The following GRK3 variants were observed in gnomAD, a reference collection of about 807,000 sequenced individuals.
The protein encoded by GRK3 is adrenergic, beta, receptor kinase 2.
In GRK3, 54 loss-of-function variants were observed where a neutral mutation model predicts 95.7. The observed-to-expected ratio is 0.56, with a 90% CI of 0.45 to 0.71. The LOEUF is 0.71. Ranked by LOEUF, GRK3 falls within the 30% of genes least tolerant of loss-of-function variation. The pLI is 0.00. For synonymous variants in GRK3, 281 were observed against 290.8 expected (o/e 0.97, Z 0.34); for missense variants, 649 against 851.2 (o/e 0.76, Z 2.96).
chr22:25,602,342 G>A (rs1262619684), intron 1 of GRK3, among the ~76,000 whole-genome samples: 2 of 152,298 alleles, frequency 1.3e-5, no homozygotes, highest in African/African-American at 4.8e-5. Context: ...CAAGGATGTG[G>A]AACAACTGGA....
At chr22:25,576,548 A>G (rs1931906195) in intron 1 of GRK3, among the ~76,000 whole-genome samples, 1 of 152,158 alleles carries the variant, frequency 6.6e-6, no homozygotes, top group Non-Finnish European at 1.5e-5. Flanking sequence ...TTCTTTATTT[A>G]GAGATTCTTG....
intron 1 of GRK3, among the ~76,000 whole-genome samples, chr22:25,579,146 G>A (rs554922353): frequency 6.6e-6 from 1 of 151,990 alleles, no homozygotes; most frequent in East Asian, 1.9e-4. Context: ...TGGGGTGGCA[G>A]GACAGGAATT....
chr22:25,688,003 A>G lies in GRK3; in HGVS notation c.957+336A>G, dbSNP rs140783201. ...TGTAATCCCAGCACTTTGGGAGGCC[A>G]AGGAGGGCGGATCACAAGGTCAGGA... is the stretch of plus-strand genomic sequence containing the variant. On this transcript the variant is annotated intron_variant, in intron 11 of 20. Coordinates refer to ENST00000324198, the MANE Select transcript of GRK3 (RefSeq NM_005160.4). Among the ~76,000 whole-genome samples, 396 of 152,216 alleles carry G rather than the reference A, an allele frequency of 2.6e-3. 3 individuals are homozygous for G. The highest frequency in any genetic ancestry group is 0.024 in the Middle Eastern group (7 of 294).
intron 1 of GRK3, 56 bp from the exon 2 acceptor site, chr22:25,604,321 A>G: frequency 7.8e-7 from 1 of 1,278,450 alleles, no homozygotes; most frequent in South Asian, 1.3e-5. Flanking sequence ...CATCCTGGGG[A>G]TGGTTACTCA....
intron 2 of GRK3, among the ~76,000 whole-genome samples, chr22:25,616,785 A>G (rs1005572751): frequency 1.3e-5 from 2 of 152,236 alleles, no homozygotes; most frequent in Non-Finnish European, 2.9e-5. Flanking sequence ...ACTTGTCCTC[A>G]GGTCTAAAGA....
chr22:25,598,417 A>G (rs2084386790), intron 1 of GRK3, among the ~76,000 whole-genome samples: 1 of 152,114 alleles, frequency 6.6e-6, no homozygotes, highest in Admixed American at 6.5e-5. Flanking sequence ...TCACGCCTGT[A>G]TCCCAGCACT....
At chr22:25,599,557 A>C (rs1384385627) in intron 1 of GRK3, among the ~76,000 whole-genome samples, 1 of 150,532 alleles carries the variant, frequency 6.6e-6, no homozygotes, top group East Asian at 1.9e-4. Flanking sequence ...ATGCCACTGC[A>C]CTCCAGCCTA....
intron 1 of GRK3, among the ~76,000 whole-genome samples, chr22:25,568,443 A>G (rs1931570352): frequency 1.3e-5 from 2 of 152,208 alleles, no homozygotes; most frequent in Non-Finnish European, 2.9e-5. Flanking sequence ...CAAATGTTGG[A>G]TCACCTATTG....
At chr22:25,698,151 A>C (rs1224181113) in intron 13 of GRK3, among the ~76,000 whole-genome samples, 1 of 144,230 alleles carries the variant, frequency 6.9e-6, no homozygotes, top group African/African-American at 2.6e-5. Context: ...GGAAGGAAGG[A>C]AGGAAGAAGG....
intron 2 of GRK3, among the ~76,000 whole-genome samples, chr22:25,625,645 ATCCGGAGGCCTAACCGTC>A (rs2084622151): frequency 6.6e-6 from 1 of 152,144 alleles, no homozygotes; most frequent in Non-Finnish European, 1.5e-5. Context: ...GCCCACAGTT[ATCCGGAGGCCTAACCGTC>A]TCCCTGTGAT....
intron 15 of GRK3, among the ~76,000 whole-genome samples, chr22:25,708,632 C>T (rs558572837): frequency 2.9e-4 from 44 of 151,808 alleles, no homozygotes; most frequent in Non-Finnish European, 5.0e-4. Flanking sequence ...GCTCCTCCCC[C>T]ATGCGGGCTT....
At chr22:25,640,036 A>G (rs777286671) in intron 2 of GRK3, among the ~76,000 whole-genome samples, 23 of 152,164 alleles carry the variant, frequency 1.5e-4, no homozygotes, top group Non-Finnish European at 3.1e-4. Flanking sequence ...TGCTAAATTT[A>G]CTTACATATT....
chr22:25,673,971 C>G (rs978785238), intron 7 of GRK3, among the ~76,000 whole-genome samples: 4 of 151,860 alleles, frequency 2.6e-5, no homozygotes, highest in Non-Finnish European at 5.9e-5. Flanking sequence ...GATCATATGG[C>G]CTTGTATCAT....
chr22:25,673,377 TTA>T (rs1325851953), intron 7 of GRK3, among the ~76,000 whole-genome samples: 2 of 152,086 alleles, frequency 1.3e-5, no homozygotes, highest in African/African-American at 4.8e-5. Flanking sequence ...TTTGTTTTTT[TTA>T]AAAATACTTG....
intron 8 of GRK3, among the ~76,000 whole-genome samples, chr22:25,675,543 A>G (rs1455032379): frequency 6.6e-6 from 1 of 152,142 alleles, no homozygotes; most frequent in African/African-American, 2.4e-5. Flanking sequence ...ATCCAGAACT[A>G]CAAGTTTGGT....
intron 6 of GRK3, among the ~76,000 whole-genome samples, chr22:25,671,137 A>G (rs2084978750): frequency 6.6e-6 from 1 of 151,902 alleles, no homozygotes; most frequent in African/African-American, 2.4e-5. Context: ...GCGGATCACA[A>G]GGTCAGGAGA....
intron 9 of GRK3, among the ~76,000 whole-genome samples, chr22:25,680,274 T>C (rs1411444613): frequency 2.0e-5 from 3 of 152,232 alleles, no homozygotes; most frequent in African/African-American, 4.8e-5. Context: ...GCTTTGTGTG[T>C]GTGACCAAGT....
At chr22:25,716,072 C>A (rs902799733) in intron 18 of GRK3, among the ~76,000 whole-genome samples, 1 of 152,070 alleles carries the variant, frequency 6.6e-6, no homozygotes, top group South Asian at 2.1e-4. Flanking sequence ...CTGCAACCTC[C>A]GCCTCCCAGG....
intron 13 of GRK3, among the ~76,000 whole-genome samples, chr22:25,698,354 A>C (rs1454923202): frequency 1.3e-5 from 2 of 152,262 alleles, no homozygotes; most frequent in Admixed American, 1.3e-4. Context: ...AGTCTAGGAG[A>C]GTAGCTATTG....
Sources: allele counts gnomAD v4.1 joint callset (sites outside exome capture counted in the v4.1 genomes callset), GRCh38; gene constraint gnomAD v4.1.1; transcripts MANE v1.5; gene names NCBI Gene and HGNC (gene_info 2026-07-23, HGNC 2026-07-21).